Variants in HMCN2 observed in about 807,000 individuals in gnomAD.
HMCN2 encodes the protein hemicentin-2.
In HMCN2, 325 loss-of-function variants were observed where a neutral mutation model predicts 377.5. The observed-to-expected ratio is 0.86, with a 90% CI of 0.79 to 0.94. The LOEUF (loss-of-function observed/expected upper bound fraction) is 0.94. Ranked by LOEUF, HMCN2 falls within the 40% of genes least tolerant of loss-of-function variation. The pLI, the probability that HMCN2 is intolerant of heterozygous loss-of-function variation, is 0.00. For missense variants in HMCN2, 4,543 were observed against 4,725.3 expected (o/e 0.96, Z 1.13); for synonymous variants, 2,007 against 2,046.8 (o/e 0.98, Z 0.53).
At chr9:130,329,766 T>C (rs1296201993) in intron 22 of HMCN2, among the ~76,000 whole-genome samples, 7 of 151,740 alleles carry the variant, frequency 4.6e-5, no homozygotes, top group African/African-American at 1.7e-4. Flanking sequence ...TGATTGTACT[T>C]GAAGCTTTGT....
chr9:130,403,370 G>A (rs1023186451), intron 79 of HMCN2, 42 bp downstream of exon 79: 21 of 1,287,360 alleles, frequency 1.6e-5, no homozygotes, highest in African/African-American at 3.1e-5. Flanking sequence ...GAAGAGAAGA[G>A]CGTGGGTCTG....
rs1261993950 is a variant in HMCN2, at chr9:130,349,951, G to GCAGTGTA, written c.4430+293_4430+294insTACAGTG. Among the ~76,000 whole-genome samples, 5 of 136,284 alleles carry GCAGTGTA rather than the reference G, an allele frequency of 3.7e-5. No homozygotes were observed. In the South Asian group the frequency reaches 1.2e-3, roughly 32 times the overall value. The allele number at this position is 136,284 out of a possible 152,430, so 89.4% of individuals were successfully genotyped here. Reference sequence around the variant, plus strand: ...CTTGCTCAGTTGCTCAGGTTAGAGTGCAGTGGAACGATCTCAGCTCACTGC... The same window carrying GCAGTGTA: ...CTTGCTCAGTTGCTCAGGTTAGAGTGCAGTGTACAGTGGAACGATCTCAGCTCACTGC... On this transcript the variant is annotated intron_variant, in intron 29 of 97. Coordinates refer to ENST00000683500, the MANE Select transcript of HMCN2 (RefSeq NM_001291815.2).
chr9:130,315,656 T>C (rs1003882195), intron 15 of HMCN2, among the ~76,000 whole-genome samples: 17 of 151,696 alleles, frequency 1.1e-4, no homozygotes, highest in African/African-American at 3.9e-4. Context: ...GTTGCCATGA[T>C]GAAATACCAT....
At chr9:130,279,087 A>G (rs575404928) in intron 1 of HMCN2, among the ~76,000 whole-genome samples, 198 of 148,668 alleles carry the variant, frequency 1.3e-3, no homozygotes, top group Admixed American at 2.3e-3. Flanking sequence ...TAGTAGAGAC[A>G]GGGTTTCACC....
rs1015533448 is a variant in HMCN2, at chr9:130,372,281, C to T, written c.7238-13C>T. 4.1e-6 allele frequency: 4 copies of T among 974,142 alleles called. No individual in the cohort carries two copies. The African/African-American group carries it at 7.0e-5, about 17-fold the overall frequency. The allele number at this position is 974,142 out of a possible 1,614,324, so 60.3% of individuals were successfully genotyped here. On this transcript the variant is annotated splice_polypyrimidine_tract_variant and intron_variant, in intron 46 of 97. Coordinates refer to ENST00000683500, the MANE Select transcript of HMCN2 (RefSeq NM_001291815.2). ...CAGAGCCATGCTTGGGGCCCACGCC[C>T]CTCCCTCCCCAGGTGGCTGGATGCT...
chr9:130,377,885 G>A (rs1841479849), intron 53 of HMCN2, 86 bp downstream of exon 53: 2 of 941,948 alleles, frequency 2.1e-6, no homozygotes, highest in Non-Finnish European at 2.5e-6. Context: ...CCCACCATGT[G>A]TCCTGCAGCT....
At position 130,396,022 on chromosome 9, in the gene HMCN2, C is replaced by T. The variant is rs774180603; in HGVS notation, c.11010C>T (p.Asn3670=). The T allele has an allele frequency of 2.0e-5, 26 of 1,287,184 alleles. No individual in the cohort carries two copies. Among genetic ancestry groups the T allele is most frequent in the African/African-American group, 1.2e-4 (8 of 65,802 alleles). The allele number at this position is 1,287,184 out of a possible 1,614,324, so 79.7% of individuals were successfully genotyped here. ...DSGDYSCTAR[N]AAGSTSVAFR... ...GCGACTACAGCTGCACAGCCCGCAA[C>T]GCCGCAGGCAGCACTAGTGTCGCCT... The change falls in exon 72 of 98, where the codon AAC becomes AAT. Residue 3670 remains asparagine (N), a synonymous_variant. Transcript: ENST00000683500.
chr9:130,417,778 T>G (rs1052372457), intron 85 of HMCN2, among the ~76,000 whole-genome samples: 3 of 152,188 alleles, frequency 2.0e-5, no homozygotes, highest in Admixed American at 6.5e-5. Context: ...CCTCCACAGT[T>G]TCTCCTGTGT....
At chr9:130,365,174 C>T (rs2131579795) in intron 41 of HMCN2, among the ~76,000 whole-genome samples, 1 of 152,370 alleles carries the variant, frequency 6.6e-6, no homozygotes, top group East Asian at 1.9e-4. Context: ...TTGGTTTCCC[C>T]TCCTTCCGTT....
chr9:130,379,410 A>G lies in HMCN2; in HGVS notation c.8374A>G (p.Thr2792Ala). ...DTNAIPPPDL[T>A]WYREDQPLSA... The stretch of plus-strand genomic sequence containing the variant: ...CAACGCGATCCCACCCCCGGACCTC[A>G]CCTGGTACAGAGAGGATCAGCCCCT... Residue 2792 changes from threonine to alanine, a missense_variant, in exon 54 of 98, where the codon ACC becomes GCC. Around this residue, in one of 5 missense-constraint regions of HMCN2, gnomAD observed 736 missense variants for 773.2 expected, o/e 0.95. Coordinates refer to ENST00000683500, the MANE Select transcript of HMCN2 (RefSeq NM_001291815.2). 1.0e-6 allele frequency: 1 copy of G among 985,802 alleles called. No individual in the cohort carries two copies. The highest frequency in any genetic ancestry group is 1.2e-6 in the Non-Finnish European group (1 of 829,936). The allele number at this position is 985,802 out of a possible 1,614,324, so 61.1% of individuals were successfully genotyped here.
In HMCN2 at chr9:130,430,861, G is replaced by A. The variant is rs1844702726; in HGVS notation, c.14647+257G>A. The A allele has an allele frequency of 5.7e-6, 3 of 521,934 alleles. No homozygotes were observed. The South Asian group carries it at 8.8e-5, about 15-fold the overall frequency. The allele number at this position is 521,934 out of a possible 1,614,324, so 32.3% of individuals were successfully genotyped here. ...CTTCAGGACACTTTGCCCAGAGGGA[G>A]GGCATCCTAGGCAAGTGGTCCTGGG... On this transcript the variant is annotated intron_variant, in intron 95 of 97. Coordinates refer to ENST00000683500, the MANE Select transcript of HMCN2 (RefSeq NM_001291815.2).
rs545302531 is a variant in HMCN2 at position 130,426,154 on chromosome 9, A to T, written c.13879+230A>T. Among the ~76,000 whole-genome samples, 10 of 152,054 alleles carry T rather than the reference A, an allele frequency of 6.6e-5. 1 individual carries two copies. In the South Asian group the frequency reaches 1.5e-3, roughly 22 times the overall value. On this transcript the variant is annotated intron_variant, in intron 90 of 97. Coordinates refer to ENST00000683500, the MANE Select transcript of HMCN2 (RefSeq NM_001291815.2). ...AGCTCTCTAAGCCACCCTTGTTCCAACCTCTGGATCCTTTCCCCAGGCCCC... is the reference window on the plus strand; with the variant it reads ...AGCTCTCTAAGCCACCCTTGTTCCATCCTCTGGATCCTTTCCCCAGGCCCC...
At chr9:130,395,692 G>A (rs1842573946) in intron 71 of HMCN2, among the ~76,000 whole-genome samples, 1 of 152,140 alleles carries the variant, frequency 6.6e-6, no homozygotes, top group African/African-American at 2.4e-5. Flanking sequence ...TGTGGATTCA[G>A]GGTTGTGGAT....
At chr9:130,275,540 C>T (rs1834643774) in intron 1 of HMCN2, among the ~76,000 whole-genome samples, 1 of 152,154 alleles carries the variant, frequency 6.6e-6, no homozygotes, top group Admixed American at 6.5e-5. Context: ...ACCCCTGCTT[C>T]CTGGGTTCAA....
chr9:130,318,161 A>G (rs1837668577), intron 15 of HMCN2, among the ~76,000 whole-genome samples: 1 of 152,188 alleles, frequency 6.6e-6, no homozygotes, highest in Non-Finnish European at 1.5e-5. Flanking sequence ...GGTTGGGTCC[A>G]AGACAGTCTT....
intron 4 of HMCN2, among the ~76,000 whole-genome samples, chr9:130,292,860 C>A (rs1835859738): frequency 6.6e-6 from 1 of 152,174 alleles, no homozygotes; most frequent in South Asian, 2.1e-4. Flanking sequence ...CTCCAAGGAA[C>A]CCTCGTGGGG....
At chr9:130,401,749 C>G (rs926689650) in intron 77 of HMCN2, among the ~76,000 whole-genome samples, 3 of 152,126 alleles carry the variant, frequency 2.0e-5, no homozygotes, top group African/African-American at 7.2e-5. Context: ...GTGGCCAAAC[C>G]TGTGATTTTC....
chr9:130,357,423 A>C (rs1286050206), intron 34 of HMCN2, among the ~76,000 whole-genome samples: 1 of 131,504 alleles, frequency 7.6e-6, no homozygotes, highest in Non-Finnish European at 1.6e-5. Context: ...GATGGATGGA[A>C]GGGTGAGTGG....
At chr9:130,352,368 G>A (rs1249989410) in intron 30 of HMCN2, among the ~76,000 whole-genome samples, 1 of 152,248 alleles carries the variant, frequency 6.6e-6, no homozygotes, top group African/African-American at 2.4e-5. Flanking sequence ...TGCACTCTCT[G>A]TGCTAAAAAG....
Sources: allele counts gnomAD v4.1 joint callset (sites outside exome capture counted in the v4.1 genomes callset), GRCh38; gene constraint gnomAD v4.1.1; regional missense constraint gnomAD v4.1.1; transcripts MANE v1.5; gene names NCBI Gene and HGNC (gene_info 2026-07-23, HGNC 2026-07-21).